CLMP: variants seen among roughly 807,000 people sequenced by gnomAD.
CLMP encodes the protein CXADR like cell adhesion molecule, also known as CXADR-like membrane protein.
In CLMP, 27 loss-of-function variants were observed where a neutral mutation model predicts 45.2. The ratio of observed to expected loss-of-function variants is 0.60; its 90% CI spans 0.44 to 0.82. CLMP has a LOEUF of 0.82. Ranked by LOEUF, CLMP falls within the 40% of genes least tolerant of loss-of-function variation. The probability of loss-of-function intolerance (pLI) is 0.00; values close to 1 mark genes in which losing one functional copy is unlikely to be tolerated. For missense variants in CLMP, 403 were observed against 448.4 expected, an observed-to-expected ratio of 0.90 and a Z score of 0.91; for synonymous variants, 167 against 171.4, an observed-to-expected ratio of 0.97 and a Z score of 0.20.
intron 5 of CLMP, among the ~76,000 whole-genome samples, chr11:123,078,961 A>G (rs567089777): frequency 2.0e-5 from 3 of 151,712 alleles, no homozygotes; most frequent in Middle Eastern, 3.4e-3. Context: ...TATTTTTAGT[A>G]GAGCTGGGGT....
intron 1 of CLMP, among the ~76,000 whole-genome samples, chr11:123,136,560 ATTTTT>A (rs34074982): frequency 1.2e-5 from 1 of 85,856 alleles, no homozygotes; most frequent in African/African-American, 5.4e-5. Flanking sequence ...CTTTTAAGTA[ATTTTT>A]TTTTTTTTTT....
intron 1 of CLMP, chr11:123,135,802 C>T (rs1861062786): frequency 3.0e-6 from 1 of 331,746 alleles, no homozygotes; most frequent in Admixed American, 4.3e-5. Context: ...TCAGTATTTT[C>T]CAGCTAGTTG....
At chr11:123,174,836 A>G (rs1170817987) in intron 1 of CLMP, among the ~76,000 whole-genome samples, 1 of 152,306 alleles carries the variant, frequency 6.6e-6, no homozygotes, top group Non-Finnish European at 1.5e-5. Flanking sequence ...CCTTCCCTGG[A>G]TTAAAGCCAT....
At chr11:123,156,096 C>G (rs1401801228) in intron 1 of CLMP, among the ~76,000 whole-genome samples, 1 of 152,034 alleles carries the variant, frequency 6.6e-6, no homozygotes, top group East Asian at 1.9e-4. Flanking sequence ...ATGGGTGGGG[C>G]CCTGATCCAA....
chr11:123,104,475 C>A (rs1028366230), intron 1 of CLMP, among the ~76,000 whole-genome samples: 12 of 151,772 alleles, frequency 7.9e-5, no homozygotes, highest in African/African-American at 2.9e-4. Context: ...ACCTCCGCCT[C>A]CCAGGTTCAA....
At chr11:123,084,791 G>C (rs955544498) in intron 2 of CLMP, 78 bp from the exon 3 acceptor site, 14 of 1,294,860 alleles carry the variant, frequency 1.1e-5, no homozygotes, top group Admixed American at 1.8e-5. Flanking sequence ...AAGAGGAAAG[G>C]GAGTACTCCC....
At chr11:123,127,834 C>T (rs763868019) in intron 1 of CLMP, among the ~76,000 whole-genome samples, 3 of 151,958 alleles carry the variant, frequency 2.0e-5, no homozygotes, top group Non-Finnish European at 2.9e-5. Context: ...GTTAGGAGTT[C>T]GACACCAGCC....
At chr11:123,098,037 A>T in intron 1 of CLMP, 85 bp from the exon 2 acceptor site, 1 of 1,205,796 alleles carries the variant, frequency 8.3e-7, no homozygotes, top group Non-Finnish European at 1.1e-6. Context: ...GAATTATGGG[A>T]TGTTCCCGTG....
chr11:123,187,532 G>C (rs1327744684), intron 1 of CLMP, among the ~76,000 whole-genome samples: 1 of 152,150 alleles, frequency 6.6e-6, no homozygotes, highest in African/African-American at 2.4e-5. Context: ...CTGAGTCTCT[G>C]CTTAGTACAG....
At chr11:123,125,608 T>A (rs1237719704) in intron 1 of CLMP, among the ~76,000 whole-genome samples, 2 of 133,650 alleles carry the variant, frequency 1.5e-5, no homozygotes, top group Admixed American at 1.6e-4. Context: ...TTCTTTTCTT[T>A]CTTTCTTTTT....
chr11:123,176,336 G>A (rs1360308531), intron 1 of CLMP, among the ~76,000 whole-genome samples: 1 of 152,146 alleles, frequency 6.6e-6, no homozygotes, highest in African/African-American at 2.4e-5. Flanking sequence ...AAAAAATTGA[G>A]AAACACTCAT....
chr11:123,128,221 C>G (rs1277927472), intron 1 of CLMP, among the ~76,000 whole-genome samples: 1 of 147,078 alleles, frequency 6.8e-6, no homozygotes, highest in African/African-American at 2.5e-5. Flanking sequence ...ATTGAATACC[C>G]ATTCATGATT....
intron 1 of CLMP, among the ~76,000 whole-genome samples, chr11:123,193,823 G>T (rs769408454): frequency 2.2e-4 from 33 of 152,256 alleles, no homozygotes; most frequent in Middle Eastern, 3.4e-3. Context: ...GGAAGCCCTG[G>T]ATAAGGAGTA....
At chr11:123,142,108 C>T in intron 1 of CLMP, among the ~76,000 whole-genome samples, 1 of 151,844 alleles carries the variant, frequency 6.6e-6, no homozygotes. Context: ...TCTCAGCCTC[C>T]TGAGTAGCTG....
At position 123,135,550 on chromosome 11, in the gene CLMP, A is replaced by AT. The variant is rs138293105; in HGVS notation, c.29-37599dup. ...TTTGTATTTCCACTGTAGTATTTCT[A>AT]TTTTTTTTCACAATGAAGAACATTT... On this transcript the variant is annotated intron_variant, in intron 1 of 6. Transcript: ENST00000448775. Among the ~76,000 whole-genome samples the AT allele has an allele frequency of 4.3e-3, 648 of 151,926 alleles. 2 individuals are homozygous for AT. Among genetic ancestry groups the AT allele is most frequent in the Non-Finnish European group, 7.7e-3 (524 of 67,946 alleles).
chr11:123,175,692 T>C (rs1002404245), intron 1 of CLMP, among the ~76,000 whole-genome samples: 1 of 152,232 alleles, frequency 6.6e-6, no homozygotes, highest in African/African-American at 2.4e-5. Context: ...TTATTATTTA[T>C]TTGAGGCATT....
At chr11:123,193,139 T>G (rs1212609796) in intron 1 of CLMP, 1 of 152,216 alleles carries the variant, frequency 6.6e-6, no homozygotes, top group Non-Finnish European at 1.5e-5. Context: ...TGTAAAGCAA[T>G]GCGCTTTAGC....
intron 1 of CLMP, among the ~76,000 whole-genome samples, chr11:123,127,473 C>A (rs914009341): frequency 6.6e-6 from 1 of 152,098 alleles, no homozygotes. Flanking sequence ...AGACTTATTA[C>A]GTGGAGGGAG....
chr11:123,113,333 T>A (rs1860668644), intron 1 of CLMP, among the ~76,000 whole-genome samples: 1 of 152,144 alleles, frequency 6.6e-6, no homozygotes, highest in South Asian at 2.1e-4. Flanking sequence ...GAGATCACAA[T>A]CAAATAGAGA....
Sources: allele counts gnomAD v4.1 joint callset (sites outside exome capture counted in the v4.1 genomes callset), GRCh38; gene constraint gnomAD v4.1.1; transcripts MANE v1.5; gene names NCBI Gene and HGNC (gene_info 2026-07-23, HGNC 2026-07-21).